Variants in CACNA2D4 observed in about 807,000 individuals in gnomAD.
The protein encoded by CACNA2D4 is voltage-dependent calcium channel subunit alpha-2/delta-4.
A neutral mutation model predicts 163.8 loss-of-function variants in CACNA2D4; 157 were observed. That is an observed-to-expected ratio of 0.96 (90% CI 0.84 to 1.09). The LOEUF (loss-of-function observed/expected upper bound fraction) is 1.09. CACNA2D4 is among the 50% of genes least tolerant of loss of function. The pLI, the probability that CACNA2D4 is intolerant of heterozygous loss-of-function variation, is 0.00. For missense variants in CACNA2D4, 1,410 were observed against 1,479.9 expected (o/e 0.95, Z 0.78); for synonymous variants, 598 against 586.9 (o/e 1.02, Z -0.27).
At position 1,834,815 on chromosome 12, in the gene CACNA2D4, C is replaced by A; in HGVS notation, c.2551+5924G>T. 2.1e-6 allele frequency: 3 copies of A among 1,451,970 alleles called. No individual in the cohort carries two copies. Among genetic ancestry groups the A allele is most frequent in the Non-Finnish European group, 2.7e-6 (3 of 1,105,910 alleles). 89.9% of individuals were successfully genotyped at this position (1,451,970 alleles called of 1,614,324 possible). The stretch of plus-strand genomic sequence containing the variant: ...CACCTTGACCCGGCGCTGGCCACTG[C>A]CTCCCCGAGTCCACCCTCCTCCCCG... On this transcript the variant is annotated intron_variant, in intron 26 of 37. Coordinates refer to ENST00000382722, the MANE Select transcript of CACNA2D4 (RefSeq NM_172364.5). The surrounding 1 kb of genome is among the most constrained non-coding windows in gnomAD (Gnocchi z 7.6).
In CACNA2D4 at chr12:1,826,411, C is replaced by CCCGT. The variant is rs1555177867; in HGVS notation, c.2551+14327_2551+14328insACGG. On this transcript the variant is annotated intron_variant, in intron 26 of 37. Coordinates refer to ENST00000382722, the MANE Select transcript of CACNA2D4 (RefSeq NM_172364.5). ...GATTTGAACCCAGAGCCCCCCCCCC[C>CCCGT]CCCCCGCCAACTGGCACCAGGAGCC... is the stretch of plus-strand genomic sequence containing the variant. Among the ~76,000 whole-genome samples, 228 of 102,662 alleles carry CCCGT rather than the reference C, an allele frequency of 2.2e-3. 1 individual carries two copies. The highest frequency in any genetic ancestry group is 9.5e-3 in the African/African-American group (216 of 22,796). The allele number at this position is 102,662 out of a possible 152,430, so 67.4% of individuals were successfully genotyped here.
intron 26 of CACNA2D4, among the ~76,000 whole-genome samples, chr12:1,839,314 C>T (rs1864960269): frequency 6.6e-6 from 1 of 152,216 alleles, no homozygotes; most frequent in Non-Finnish European, 1.5e-5. Context: ...CAGCTGGGTC[C>T]CAGGTACTGA....
At chr12:1,848,423 G>C (rs1865200236) in intron 23 of CACNA2D4, among the ~76,000 whole-genome samples, 1 of 152,178 alleles carries the variant, frequency 6.6e-6, no homozygotes, top group Admixed American at 6.5e-5. Context: ...GGGCCTGACC[G>C]GGTTCCGGTT....
chr12:1,811,994 A>G (rs888622885), intron 26 of CACNA2D4, among the ~76,000 whole-genome samples: 5 of 152,174 alleles, frequency 3.3e-5, no homozygotes, highest in African/African-American at 1.2e-4. Context: ...TCCAGAAAAC[A>G]ACGAGGGCAG....
At chr12:1,855,834 TG>T (rs1865386785) in intron 22 of CACNA2D4, among the ~76,000 whole-genome samples, 177 bp downstream of exon 22, 1 of 152,248 alleles carries the variant, frequency 6.6e-6, no homozygotes, top group South Asian at 2.1e-4. Flanking sequence ...CTCAGCCCTG[TG>T]GTAAGGCTGG....
intron 1 of CACNA2D4, among the ~76,000 whole-genome samples, chr12:1,916,285 A>AATGTAGAGGTTC: frequency 6.6e-6 from 1 of 152,320 alleles, no homozygotes; most frequent in South Asian, 2.1e-4. Flanking sequence ...TTGTAGAGCT[A>AATGTAGAGGTTC]CCAAGTACCA....
chr12:1,841,568 G>C (rs555337447), intron 25 of CACNA2D4, among the ~76,000 whole-genome samples: 2 of 152,340 alleles, frequency 1.3e-5, no homozygotes, highest in East Asian at 1.9e-4. Context: ...GGGGCCTCAG[G>C]CTTCTTAATT....
At chr12:1,817,345 C>G (rs1031547223) in intron 26 of CACNA2D4, among the ~76,000 whole-genome samples, 1 of 152,170 alleles carries the variant, frequency 6.6e-6, no homozygotes. Flanking sequence ...CAGTCTTGAG[C>G]TCTTTCATGT....
chr12:1,807,672 CCCAGTGTCTGCTGTG>C (rs1863585309), intron 29 of CACNA2D4, among the ~76,000 whole-genome samples: 10 of 152,054 alleles, frequency 6.6e-5, no homozygotes, highest in Admixed American at 5.2e-4. Flanking sequence ...CACACGGTTA[CCCAGTGTCTGCTGTG>C]TGCCAGGCAC....
intron 13 of CACNA2D4, among the ~76,000 whole-genome samples, chr12:1,880,610 C>T (rs757674525): frequency 2.6e-5 from 4 of 152,236 alleles, no homozygotes; most frequent in Admixed American, 1.3e-4. Flanking sequence ...AGAGAGGTAT[C>T]GTAAGTCCGA....
Position 1,844,663 on chromosome 12 carries a change from A to G in CACNA2D4, c.2343-134T>C. The G allele has an allele frequency of 1.2e-6, 1 of 866,042 alleles. No individual in the cohort carries two copies. The highest frequency in any genetic ancestry group is 1.7e-6 in the Non-Finnish European group (1 of 573,470). 53.6% of individuals were successfully genotyped at this position (866,042 alleles called of 1,614,324 possible). ...CCCCTAAATTAGTACGGCCCCAGAC[A>G]ATGCTTCCCAGCAATTCTCGCCTTT... On this transcript the variant is annotated intron_variant, in intron 24 of 37. Transcript: ENST00000382722. This position sits in a 1 kb window ranked among gnomAD's most constrained non-coding sequence, Gnocchi z 4.2.
intron 29 of CACNA2D4, among the ~76,000 whole-genome samples, chr12:1,803,027 G>T (rs573622078): frequency 2.0e-5 from 3 of 152,226 alleles, no homozygotes; most frequent in African/African-American, 7.2e-5. Flanking sequence ...TGATGGCCAC[G>T]TCAGGTTCTT....
At chr12:1,826,906 A>G (rs1023875969) in intron 26 of CACNA2D4, among the ~76,000 whole-genome samples, 2 of 152,194 alleles carry the variant, frequency 1.3e-5, no homozygotes, top group Non-Finnish European at 2.9e-5. Flanking sequence ...CGGCAGCTCC[A>G]TCCACCTCTG....
intron 26 of CACNA2D4, among the ~76,000 whole-genome samples, chr12:1,837,707 C>T (rs746132135): frequency 3.9e-5 from 6 of 152,118 alleles, no homozygotes; most frequent in Non-Finnish European, 5.9e-5. Context: ...CTGGGGTGTC[C>T]GCCTTCCCCA....
At chr12:1,902,009 T>C (rs989585886) in intron 6 of CACNA2D4, among the ~76,000 whole-genome samples, 5 of 152,070 alleles carry the variant, frequency 3.3e-5, no homozygotes, top group Non-Finnish European at 1.5e-5. Flanking sequence ...ATTAAAAAGA[T>C]CATTCATCAT....
intron 26 of CACNA2D4, among the ~76,000 whole-genome samples, chr12:1,822,342 G>A (rs143446904): frequency 5.3e-5 from 8 of 152,236 alleles, no homozygotes; most frequent in Admixed American, 2.0e-4. Flanking sequence ...GGGTGTCTGG[G>A]AGTTCTGGGG....
intron 18 of CACNA2D4, among the ~76,000 whole-genome samples, chr12:1,866,087 C>T (rs531787938): frequency 2.6e-5 from 4 of 152,286 alleles, no homozygotes; most frequent in East Asian, 1.9e-4. Flanking sequence ...TTGCCTTGTT[C>T]TCAATTTTAG....
rs192942953 is a variant in CACNA2D4 at position 1,802,641 on chromosome 12, T to G, written c.2722-997A>C. Among the ~76,000 whole-genome samples the G allele has an allele frequency of 2.6e-5, 4 of 152,314 alleles. No individual in the cohort carries two copies. Among genetic ancestry groups the G allele is most frequent in the Admixed American group, 2.6e-4 (4 of 15,304 alleles). On this transcript the variant is annotated intron_variant, in intron 29 of 37. Transcript: ENST00000382722. The surrounding 1 kb of genome is among the most constrained non-coding windows in gnomAD (Gnocchi z 4.7). ...GTAGGCTGTCTTTAAAAATTGGGGA[T>G]AGCGTGTGTCCGGCGTGTGGCTCCC...
At chr12:1,865,354 T>C (rs1173549128) in intron 18 of CACNA2D4, among the ~76,000 whole-genome samples, 2 of 152,216 alleles carry the variant, frequency 1.3e-5, no homozygotes, top group South Asian at 2.1e-4. Context: ...TGTGTGTGTC[T>C]GACAAGTTGT....
Sources: gnomAD v4.1 joint callset for allele counts (sites outside exome capture counted in the v4.1 genomes callset) on GRCh38, gnomAD v4.1.1 for gene constraint, Gnocchi (gnomAD v3.1) non-coding constraint, MANE v1.5 for transcripts, NCBI Gene and HGNC (gene_info 2026-07-23, HGNC 2026-07-21) for gene names.